SUGCT: variants seen among roughly 807,000 people sequenced by gnomAD.
SUGCT encodes the protein succinyl-CoA:glutarate CoA-transferase.
In SUGCT, 41 loss-of-function variants were observed where a neutral mutation model predicts 55.0. That is an observed-to-expected ratio of 0.74 (90% CI 0.58 to 0.97). The LOEUF is 0.97. SUGCT is among the 50% of genes least tolerant of loss of function. SUGCT has a pLI of 0.00. For synonymous variants in SUGCT, 187 were observed against 200.4 expected, an observed-to-expected ratio of 0.93 and a Z score of 0.56; for missense variants, 568 against 547.8, an observed-to-expected ratio of 1.04 and a Z score of -0.37.
At chr7:40,439,092 A>AGAGAGAGAGAGAGAGAGTTGC (rs1788352175) in intron 9 of SUGCT, among the ~76,000 whole-genome samples, 1 of 125,482 alleles carries the variant, frequency 8.0e-6, no homozygotes, top group African/African-American at 3.4e-5. Flanking sequence ...ATATATATAT[A>AGAGAGAGAGAGAGAGAGTTGC]TATATATATA....
intron 13 of SUGCT, among the ~76,000 whole-genome samples, chr7:40,791,589 T>A (rs1461977803): frequency 6.6e-6 from 1 of 152,166 alleles, no homozygotes; most frequent in Non-Finnish European, 1.5e-5. Context: ...GATGATAGTT[T>A]GAGGAACAAA....
intron 12 of SUGCT, among the ~76,000 whole-genome samples, chr7:40,649,946 T>C (rs1329237612): frequency 6.6e-6 from 1 of 152,256 alleles, no homozygotes; most frequent in African/African-American, 2.4e-5. Context: ...CTCCTAGTTT[T>C]TGTGTCAGGA....
chr7:40,619,569 C>T (rs1414047951), intron 12 of SUGCT, among the ~76,000 whole-genome samples: 1 of 152,044 alleles, frequency 6.6e-6, no homozygotes, highest in Non-Finnish European at 1.5e-5. Context: ...ATGGCCTTTC[C>T]ATCAGCTTTA....
intron 12 of SUGCT, among the ~76,000 whole-genome samples, chr7:40,599,381 C>G (rs1201794186): frequency 6.6e-6 from 1 of 152,092 alleles, no homozygotes; most frequent in African/African-American, 2.4e-5. Flanking sequence ...GATAGCCATG[C>G]TTTTTACACC....
At chr7:40,302,734 A>G (rs924823705) in intron 8 of SUGCT, among the ~76,000 whole-genome samples, 4 of 152,190 alleles carry the variant, frequency 2.6e-5, no homozygotes, top group Non-Finnish European at 4.4e-5. Flanking sequence ...CGAATTCATT[A>G]TTAACTGATT....
the SUGCT span, among the ~76,000 whole-genome samples, chr7:41,001,037 G>C: frequency 3.3e-5 from 5 of 152,282 alleles, no homozygotes; most frequent in South Asian, 2.1e-4. Flanking sequence ...TATCCATGTG[G>C]AGATGACAGA....
At chr7:40,840,170 G>A (rs1262072415) in intron 13 of SUGCT, among the ~76,000 whole-genome samples, 1 of 152,122 alleles carries the variant, frequency 6.6e-6, no homozygotes, top group Non-Finnish European at 1.5e-5. Context: ...ATCTCTGTGA[G>A]TAGGGCTCGT....
Position 40,811,080 on chromosome 7 carries a change from A to G in SUGCT, c.1154-49236A>G, listed in dbSNP as rs1791387031. Among the ~76,000 whole-genome samples the G allele has an allele frequency of 2.6e-5, 4 of 152,112 alleles. No individual in the cohort carries two copies. The South Asian group carries it at 8.3e-4, about 31-fold the overall frequency. On this transcript the variant is annotated intron_variant, in intron 13 of 13. Transcript: ENST00000335693. ...AAGATCAGATGGCTATAGGTATGCA[A>G]CTTTATTTCTGCATTCTGTATTCTG... is the stretch of plus-strand genomic sequence containing the variant.
chr7:40,739,345 A>G (rs1303878068), intron 12 of SUGCT, among the ~76,000 whole-genome samples: 1 of 152,172 alleles, frequency 6.6e-6, no homozygotes, highest in Non-Finnish European at 1.5e-5. Flanking sequence ...GAAATCATAT[A>G]CTATGTAATC....
chr7:40,688,357 G>A (rs912650700), intron 12 of SUGCT, among the ~76,000 whole-genome samples: 6 of 152,214 alleles, frequency 3.9e-5, no homozygotes, highest in Admixed American at 1.3e-4. Context: ...CTGAATTCAC[G>A]TTTGCCCCAA....
intron 12 of SUGCT, among the ~76,000 whole-genome samples, chr7:40,631,294 A>G (rs752572850): frequency 3.9e-5 from 6 of 152,122 alleles, no homozygotes; most frequent in Non-Finnish European, 5.9e-5. Context: ...GATTTGATTT[A>G]TGCTTAATAA....
chr7:40,504,523 C>T (rs994786191), intron 12 of SUGCT, among the ~76,000 whole-genome samples: 1 of 152,116 alleles, frequency 6.6e-6, no homozygotes, highest in Non-Finnish European at 1.5e-5. Flanking sequence ...CAACCTCTGC[C>T]TCTCAGGCTC....
intron 6 of SUGCT, among the ~76,000 whole-genome samples, chr7:40,215,763 G>A (rs1056187169): frequency 1.3e-5 from 2 of 151,974 alleles, no homozygotes; most frequent in Non-Finnish European, 2.9e-5. Context: ...TTGGGAGGCT[G>A]AGGCAGGAGA....
chr7:40,265,006 C>T (rs568757066), intron 7 of SUGCT, among the ~76,000 whole-genome samples: 1 of 152,092 alleles, frequency 6.6e-6, no homozygotes, highest in Non-Finnish European at 1.5e-5. Flanking sequence ...TATCATTACC[C>T]ATATTTGACA....
chr7:40,626,221 T>C (rs1799519507), intron 12 of SUGCT, among the ~76,000 whole-genome samples: 1 of 152,094 alleles, frequency 6.6e-6, no homozygotes, highest in Admixed American at 6.5e-5. Flanking sequence ...GTTATTTTCC[T>C]GCCTTTAAAG....
At chr7:40,397,755 G>T (rs772269504) in intron 9 of SUGCT, among the ~76,000 whole-genome samples, 1 of 152,184 alleles carries the variant, frequency 6.6e-6, no homozygotes, top group Non-Finnish European at 1.5e-5. Context: ...GAAAGAGCTT[G>T]CTGGTATTCT....
chr7:40,861,628 T>G (rs1437155713), downstream of SUGCT, among the ~76,000 whole-genome samples: 1 of 152,260 alleles, frequency 6.6e-6, no homozygotes, highest in African/African-American at 2.4e-5. Flanking sequence ...AAACTCATTT[T>G]CTTTTCATAT....
intron 7 of SUGCT, among the ~76,000 whole-genome samples, chr7:40,242,933 A>ATATATATATATATATT (rs1270335224): frequency 2.3e-4 from 4 of 17,216 alleles, no homozygotes; most frequent in Admixed American, 1.4e-3. Context: ...ATATATATAT[A>ATATATATATATATATT]TTTTTTTTTT....
chr7:40,248,928 C>CACACACACA (rs1562611530), intron 7 of SUGCT, among the ~76,000 whole-genome samples: 2 of 142,504 alleles, frequency 1.4e-5, no homozygotes, highest in Non-Finnish European at 3.1e-5. Context: ...ACACACACTC[C>CACACACACA]CTCTCTCTCT....
Sources: allele counts gnomAD v4.1 joint callset (sites outside exome capture counted in the v4.1 genomes callset), GRCh38; gene constraint gnomAD v4.1.1; transcripts MANE v1.5; gene names NCBI Gene and HGNC (gene_info 2026-07-23, HGNC 2026-07-21).